Variants in AFG2A observed in about 807,000 individuals in gnomAD.
The protein encoded by AFG2A is ATPase family gene 2 protein homolog A.
chr4:122,955,928 A>T, the AFG2A span, among the ~76,000 whole-genome samples: 1 of 152,218 alleles, frequency 6.6e-6, no homozygotes, highest in Non-Finnish European at 1.5e-5. Flanking sequence ...AGGGATCAAA[A>T]AGCAGAAGTA....
At chr4:123,069,007 G>A in the AFG2A span, among the ~76,000 whole-genome samples, 4 of 152,134 alleles carry the variant, frequency 2.6e-5, no homozygotes, top group Admixed American at 1.3e-4. Flanking sequence ...GTGCTAAGCC[G>A]TGCTAAAAAC....
chr4:123,301,181 A>G, the AFG2A span, among the ~76,000 whole-genome samples: 1 of 152,220 alleles, frequency 6.6e-6, no homozygotes, highest in Non-Finnish European at 1.5e-5. Flanking sequence ...GTATGTTTTC[A>G]TAAGTTTCAA....
At chr4:123,214,301 A>G in the AFG2A span, among the ~76,000 whole-genome samples, 1 of 152,144 alleles carries the variant, frequency 6.6e-6, no homozygotes, top group East Asian at 1.9e-4. Flanking sequence ...CAGTCAAGGA[A>G]ACGTGTGGGA....
the AFG2A span, among the ~76,000 whole-genome samples, chr4:123,152,224 TACCTATGTAACAAACCTGCAC>T: frequency 6.6e-6 from 1 of 152,128 alleles, no homozygotes; most frequent in Non-Finnish European, 1.5e-5. Flanking sequence ...GGCACATGTA[TACCTATGTAACAAACCTGCAC>T]ACCTATGTAA....
chr4:123,074,360 C>T, the AFG2A span, among the ~76,000 whole-genome samples: 1 of 151,458 alleles, frequency 6.6e-6, no homozygotes, highest in African/African-American at 2.4e-5. Context: ...CTTCCATTCT[C>T]ATAAGGGGAC....
At chr4:122,959,708 C>T in the AFG2A span, among the ~76,000 whole-genome samples, 1 of 152,114 alleles carries the variant, frequency 6.6e-6, no homozygotes. Context: ...AATACAAAAC[C>T]TCTGTAGTGT....
chr4:123,204,559 T>C, the AFG2A span, among the ~76,000 whole-genome samples: 1 of 152,254 alleles, frequency 6.6e-6, no homozygotes, highest in Non-Finnish European at 1.5e-5. Flanking sequence ...ATATGTGGTT[T>C]ATACAAGTCC....
At chr4:122,934,770 A>T in the AFG2A span, 30 of 1,525,120 alleles carry the variant, frequency 2.0e-5, no homozygotes, top group Non-Finnish European at 2.5e-5. Context: ...GCACCCAAAA[A>T]TGTTAAATTC....
At chr4:123,119,913 A>G in the AFG2A span, among the ~76,000 whole-genome samples, 1 of 152,128 alleles carries the variant, frequency 6.6e-6, no homozygotes, top group Non-Finnish European at 1.5e-5. Flanking sequence ...GGCTGAAGAG[A>G]GAGAATGAGT....
At chr4:122,935,851 C>T in the AFG2A span, 13 of 1,601,984 alleles carry the variant, frequency 8.1e-6, no homozygotes, top group Admixed American at 1.7e-4. Context: ...CAAGTAAGTA[C>T]ATGATTTAAT....
chr4:122,999,250 T>C, the AFG2A span, among the ~76,000 whole-genome samples: 2 of 152,120 alleles, frequency 1.3e-5, no homozygotes, highest in South Asian at 4.2e-4. Context: ...TTCTCCCATT[T>C]TGTAGGTTGC....
chr4:123,196,027 C>T, the AFG2A span, among the ~76,000 whole-genome samples: 2 of 149,678 alleles, frequency 1.3e-5, no homozygotes, highest in Admixed American at 6.7e-5. Context: ...TTTATTGAGA[C>T]GGAGTCTCTG....
the AFG2A span, among the ~76,000 whole-genome samples, chr4:123,087,469 G>A: frequency 2.6e-5 from 4 of 152,190 alleles, no homozygotes; most frequent in African/African-American, 9.7e-5. Context: ...TTTCTCTTGA[G>A]GAGCAGGCCT....
At chr4:123,192,577 C>T in the AFG2A span, among the ~76,000 whole-genome samples, 3 of 152,316 alleles carry the variant, frequency 2.0e-5, no homozygotes, top group South Asian at 4.1e-4. Flanking sequence ...TCCATAGCCA[C>T]GGTAGTGAAT....
chr4:123,277,330 G>C, the AFG2A span, among the ~76,000 whole-genome samples: 1 of 152,128 alleles, frequency 6.6e-6, no homozygotes, highest in Non-Finnish European at 1.5e-5. Context: ...CATTGATTTT[G>C]TATCCTGAAA....
chr4:123,274,009 C>A, the AFG2A span, among the ~76,000 whole-genome samples: 1 of 152,072 alleles, frequency 6.6e-6, no homozygotes, highest in East Asian at 1.9e-4. Context: ...ACATTTTTTC[C>A]CAAGTTAAGC....
the AFG2A span, among the ~76,000 whole-genome samples, chr4:123,175,658 C>T: frequency 6.6e-6 from 1 of 152,140 alleles, no homozygotes; most frequent in Non-Finnish European, 1.5e-5. Flanking sequence ...TCTATTGAAA[C>T]ACATTTCAGC....
At chr4:122,938,381 AG>A in the AFG2A span, 2 of 1,042,878 alleles carry the variant, frequency 1.9e-6, no homozygotes, top group Non-Finnish European at 1.3e-6. Context: ...CATAGCAACT[AG>A]GGGAAAGATC....
At chr4:123,002,893 A>C in the AFG2A span, among the ~76,000 whole-genome samples, 1 of 152,208 alleles carries the variant, frequency 6.6e-6, no homozygotes, top group Non-Finnish European at 1.5e-5. Flanking sequence ...AATATCCTGC[A>C]GAGTGTTTTC....
Sources: allele counts gnomAD v4.1 joint callset (sites outside exome capture counted in the v4.1 genomes callset), GRCh38; gene constraint gnomAD v4.1.1; transcripts MANE v1.5; gene names NCBI Gene and HGNC (gene_info 2026-07-23, HGNC 2026-07-21).